Variants in TENM1 observed in about 807,000 individuals in gnomAD.
The protein encoded by TENM1 is teneurin transmembrane protein 1.
Under a neutral mutation model 174.8 loss-of-function variants are expected in TENM1, and 35 were observed. The ratio of observed to expected loss-of-function variants is 0.20; its 90% confidence interval spans 0.15 to 0.27. TENM1 has a LOEUF of 0.27. TENM1 is among the 10% of genes least tolerant of loss of function. The pLI is 1.00. For synonymous variants in TENM1, 781 were observed against 798.7 expected, an observed-to-expected ratio of 0.98 and a Z score of 0.37; for missense variants, 1,633 against 2,130.1, an observed-to-expected ratio of 0.77 and a Z score of 4.59.
intron 19 of TENM1, among the ~76,000 whole-genome samples, chrX:124,497,945 C>G (rs2047239202): frequency 9.0e-6 from 1 of 111,628 alleles, no homozygotes; most frequent in Non-Finnish European, 1.9e-5. Flanking sequence ...ACTCCCATTT[C>G]TATATGCTGA....
intron 4 of TENM1, among the ~76,000 whole-genome samples, chrX:124,708,234 A>G (rs2052957820): frequency 8.9e-6 from 1 of 111,775 alleles, no homozygotes. Flanking sequence ...GAACAAAAGC[A>G]TATGTATTTA....
the TENM1 span, among the ~76,000 whole-genome samples, chrX:125,118,281 AT>A: frequency 1.8e-5 from 2 of 111,007 alleles, no homozygotes. Flanking sequence ...AATGTTCACT[AT>A]TTGGGGGATG....
intron 3 of TENM1, among the ~76,000 whole-genome samples, chrX:124,790,983 G>A (rs985128740): frequency 9.0e-6 from 1 of 111,677 alleles, no homozygotes; most frequent in Admixed American, 9.6e-5. Context: ...AAGGTGACAC[G>A]TTAAAGTGCT....
In TENM1 at chrX:124,637,797, A is replaced by G. The variant is rs748027239; in HGVS notation, c.2077+3994T>C. On this transcript the variant is annotated intron_variant, in intron 11 of 31. Transcript: ENST00000422452. The stretch of plus-strand genomic sequence containing the variant: ...ACCTTTATTCACATTTGCCTCCCCA[A>G]CTATAGATGTTTCATCCTTCTTTGT... Among the ~76,000 whole-genome samples the G allele has an allele frequency of 2.7e-5, 3 of 111,995 alleles. No individual in the cohort carries two copies. In the East Asian group the frequency reaches 8.5e-4, roughly 32 times the overall value.
chrX:124,784,712 G>T (rs1383452808), intron 3 of TENM1, among the ~76,000 whole-genome samples: 1 of 111,542 alleles, frequency 9.0e-6, no homozygotes. Context: ...GAGATATTAT[G>T]TCCATTCATG....
intron 22 of TENM1, among the ~76,000 whole-genome samples, chrX:124,465,141 G>C (rs778744014): frequency 8.9e-6 from 1 of 112,443 alleles, no homozygotes; most frequent in African/African-American, 3.2e-5. Flanking sequence ...GAAAAGCTGA[G>C]CTGCTCATGT....
the TENM1 span, among the ~76,000 whole-genome samples, chrX:124,995,481 A>C: frequency 9.0e-6 from 1 of 111,501 alleles, no homozygotes; most frequent in African/African-American, 3.3e-5. Flanking sequence ...CCTAGCATAG[A>C]ATTTTTCAAG....
the TENM1 span, among the ~76,000 whole-genome samples, chrX:125,153,797 G>A: frequency 2.7e-5 from 3 of 112,373 alleles, no homozygotes; most frequent in African/African-American, 9.7e-5. Context: ...CCTGAGCAGA[G>A]ATGAATAATG....
At chrX:125,082,768 T>C in the TENM1 span, among the ~76,000 whole-genome samples, 2 of 111,102 alleles carry the variant, frequency 1.8e-5, no homozygotes, top group African/African-American at 6.5e-5. Flanking sequence ...ACACAATATA[T>C]ATGTATGTTT....
intron 18 of TENM1, among the ~76,000 whole-genome samples, chrX:124,506,523 A>T (rs890737263): frequency 2.8e-4 from 31 of 111,859 alleles, no homozygotes; most frequent in African/African-American, 1.0e-3. Context: ...AGTTCCCTCT[A>T]ATTTTTATTA....
the TENM1 span, among the ~76,000 whole-genome samples, chrX:125,166,024 A>AT: frequency 2.7e-5 from 3 of 111,254 alleles, no homozygotes; most frequent in Non-Finnish European, 5.7e-5. Context: ...TCTGTACCTC[A>AT]TTTTTTACAC....
At chrX:124,649,918 G>A (rs773908167) in intron 8 of TENM1, among the ~76,000 whole-genome samples, 145 of 110,713 alleles carry the variant, frequency 1.3e-3, no homozygotes, top group Non-Finnish European at 2.5e-3. Context: ...ATAAAATGAG[G>A]AGGTCAGGCA....
chrX:125,190,074 G>A, the TENM1 span, among the ~76,000 whole-genome samples: 3 of 111,001 alleles, frequency 2.7e-5, no homozygotes, highest in Admixed American at 9.6e-5. Context: ...CAAAGACTTC[G>A]CAGAAAATAA....
At chrX:125,155,251 G>T in the TENM1 span, among the ~76,000 whole-genome samples, 1 of 112,055 alleles carries the variant, frequency 8.9e-6, no homozygotes, top group East Asian at 2.8e-4. Flanking sequence ...GTCGATTGGT[G>T]CATTCACAAA....
the TENM1 span, among the ~76,000 whole-genome samples, chrX:125,108,772 G>GTA: frequency 5.5e-5 from 6 of 109,077 alleles, no homozygotes; most frequent in East Asian, 2.9e-4. Flanking sequence ...ACACAGATGT[G>GTA]TATATATATA....
At chrX:125,105,220 T>G in the TENM1 span, among the ~76,000 whole-genome samples, 7 of 111,310 alleles carry the variant, frequency 6.3e-5, no homozygotes, top group Non-Finnish European at 1.3e-4. Flanking sequence ...AACTACAGAG[T>G]TCCATAGGCA....
At chrX:125,124,129 G>A in the TENM1 span, among the ~76,000 whole-genome samples, 4 of 112,360 alleles carry the variant, frequency 3.6e-5, no homozygotes, top group Non-Finnish European at 5.6e-5. Context: ...CACCCAATGC[G>A]TGTATCTTTC....
rs942582999 is a variant in TENM1 at position 124,490,141 on chromosome X, G to A, written c.3696-2912C>T. On this transcript the variant is annotated intron_variant, in intron 20 of 31. Transcript: ENST00000422452. ...CATTCTAAAAGAGGTTCATGTTTTC[G>A]GAAATCTTAGAGATGCAATATTTCA... is the stretch of plus-strand genomic sequence containing the variant. Among the ~76,000 whole-genome samples, 3 of 111,823 alleles carry A rather than the reference G, an allele frequency of 2.7e-5. 1 individual carries two copies. The highest frequency in any genetic ancestry group is 6.5e-5 in the African/African-American group (2 of 30,813).
chrX:124,706,025 C>T (rs2052896451), intron 4 of TENM1, among the ~76,000 whole-genome samples: 1 of 111,460 alleles, frequency 9.0e-6, no homozygotes, highest in Non-Finnish European at 1.9e-5. Context: ...TCTACCTCAG[C>T]CTCCTGAGTA....
Sources: allele counts gnomAD v4.1 joint callset (sites outside exome capture counted in the v4.1 genomes callset), GRCh38; gene constraint gnomAD v4.1.1; transcripts MANE v1.5; gene names NCBI Gene and HGNC (gene_info 2026-07-23, HGNC 2026-07-21).